GOLM2: variants seen among roughly 807,000 people sequenced by gnomAD.
The protein encoded by GOLM2 is protein GOLM2.
In GOLM2, 26 loss-of-function variants were observed where a neutral mutation model predicts 55.9. The ratio of observed to expected loss-of-function variants is 0.47; its 90% CI spans 0.34 to 0.65. The LOEUF (loss-of-function observed/expected upper bound fraction) is 0.65. Ranked by LOEUF, GOLM2 falls within the 30% of genes least tolerant of loss-of-function variation. The pLI is 0.01. For synonymous variants in GOLM2, 165 were observed against 194.6 expected, an observed-to-expected ratio of 0.85 and a Z score of 1.27; for missense variants, 486 against 531.8, an observed-to-expected ratio of 0.91 and a Z score of 0.85.
intron 8 of GOLM2, among the ~76,000 whole-genome samples, chr15:44,386,022 C>T (rs935057919): frequency 1.3e-5 from 2 of 152,158 alleles, no homozygotes; most frequent in African/African-American, 4.8e-5. Flanking sequence ...CTTTCATGCA[C>T]GAAAGTTTTT....
At position 44,315,195 on chromosome 15, in the gene GOLM2, G is replaced by T. The variant is rs527550348; in HGVS notation, c.328-7770G>T. Among the ~76,000 whole-genome samples the T allele has an allele frequency of 2.0e-4, 30 of 152,256 alleles. No homozygotes were observed. The South Asian group carries it at 6.2e-3, about 32-fold the overall frequency. On this transcript the variant is annotated intron_variant, in intron 1 of 9. Coordinates refer to ENST00000299957, the MANE Select transcript of GOLM2 (RefSeq NM_138423.4). ...CAGGTTTGGCAGTTATGTTACAGAA[G>T]ATAGACTTGTCTCTAGAAATCATCT...
chr15:44,344,019 A>G (rs1160809741), intron 6 of GOLM2, among the ~76,000 whole-genome samples: 1 of 150,032 alleles, frequency 6.7e-6, no homozygotes, highest in East Asian at 2.0e-4. Flanking sequence ...TTACAGCTGG[A>G]TAGGCTGAGG....
At chr15:44,329,654 T>G (rs1167013993) in intron 3 of GOLM2, among the ~76,000 whole-genome samples, 1 of 152,100 alleles carries the variant, frequency 6.6e-6, no homozygotes, top group Non-Finnish European at 1.5e-5. Context: ...TCCTAACACT[T>G]TGGGAGGCTG....
At chr15:44,404,241 A>T (rs1386244159) in intron 9 of GOLM2, among the ~76,000 whole-genome samples, 1 of 152,154 alleles carries the variant, frequency 6.6e-6, no homozygotes, top group East Asian at 1.9e-4. Flanking sequence ...AAGTAATTAA[A>T]TTTTTATTTA....
Position 44,367,549 on chromosome 15 carries a change from A to C in GOLM2, c.803-12141A>C, listed in dbSNP as rs2079294080. On this transcript the variant is annotated intron_variant, in intron 6 of 9. Transcript: ENST00000299957. ...AGTGGCTCATGCCTGTAATCCCAGC[A>C]CTTTGGGAGGCTGAGGTGGGTGGAT... Among the ~76,000 whole-genome samples the C allele has an allele frequency of 2.0e-5, 3 of 152,174 alleles. No homozygotes were observed. The South Asian group carries it at 6.2e-4, about 32-fold the overall frequency.
chr15:44,390,805 G>A (rs1479914453), intron 8 of GOLM2, among the ~76,000 whole-genome samples: 3 of 152,090 alleles, frequency 2.0e-5, no homozygotes, highest in Admixed American at 2.0e-4. Context: ...CTAACCTCAG[G>A]TGATCCGCCC....
chr15:44,380,587 T>A (rs548662568), intron 7 of GOLM2, among the ~76,000 whole-genome samples: 1 of 151,872 alleles, frequency 6.6e-6, no homozygotes, highest in South Asian at 2.1e-4. Context: ...GATACTCACC[T>A]GGGAATGATC....
At chr15:44,389,640 AG>A (rs2079474136) in intron 8 of GOLM2, among the ~76,000 whole-genome samples, 1 of 152,166 alleles carries the variant, frequency 6.6e-6, no homozygotes, top group Non-Finnish European at 1.5e-5. Flanking sequence ...TTAGAAAAGG[AG>A]GGGAAGTCCT....
At chr15:44,306,445 G>A (rs1419734127) in intron 1 of GOLM2, among the ~76,000 whole-genome samples, 2 of 152,072 alleles carry the variant, frequency 1.3e-5, no homozygotes, top group Non-Finnish European at 2.9e-5. Context: ...GGAATATTGT[G>A]GTTAGTTTGA....
intron 1 of GOLM2, among the ~76,000 whole-genome samples, chr15:44,321,555 G>A (rs2078949744): frequency 6.6e-6 from 1 of 151,794 alleles, no homozygotes; most frequent in East Asian, 1.9e-4. Context: ...GATTGTGATG[G>A]TAGTTATACA....
intron 9 of GOLM2, among the ~76,000 whole-genome samples, chr15:44,410,922 A>AT (rs1226155591): frequency 2.7e-5 from 4 of 150,350 alleles, no homozygotes; most frequent in Non-Finnish European, 5.9e-5. Context: ...AAAAAAAAAA[A>AT]AGGTGCAAAA....
chr15:44,302,970 G>A (rs994263210), intron 1 of GOLM2, among the ~76,000 whole-genome samples: 4 of 152,094 alleles, frequency 2.6e-5, no homozygotes, highest in Non-Finnish European at 5.9e-5. Context: ...GGGCGTAGTG[G>A]CGGACGCCTG....
chr15:44,407,276 A>T (rs932634446), intron 9 of GOLM2, among the ~76,000 whole-genome samples: 20 of 146,910 alleles, frequency 1.4e-4, no homozygotes, highest in Admixed American at 6.2e-4. Context: ...ATATATATAT[A>T]TTTTTTGGAG....
chr15:44,346,618 CTG>C (rs1567031506), intron 6 of GOLM2, among the ~76,000 whole-genome samples: 2 of 152,302 alleles, frequency 1.3e-5, no homozygotes, highest in East Asian at 3.9e-4. Context: ...CTAAAGGCAA[CTG>C]TGTTGGACAG....
intron 6 of GOLM2, among the ~76,000 whole-genome samples, chr15:44,377,164 G>A (rs1029024491): frequency 3.3e-5 from 5 of 152,098 alleles, no homozygotes; most frequent in African/African-American, 1.2e-4. Flanking sequence ...CTTGAGGCCA[G>A]GAGTTTGAGA....
intron 1 of GOLM2, among the ~76,000 whole-genome samples, chr15:44,311,548 C>T (rs764666097): frequency 6.6e-5 from 10 of 151,908 alleles, no homozygotes; most frequent in South Asian, 2.1e-4. Context: ...GACAGTCCTT[C>T]GAAGGGCCTG....
At chr15:44,351,576 C>CAAAAAAAAAAAAAAAAAA (rs1175016633) in intron 6 of GOLM2, among the ~76,000 whole-genome samples, 1 of 45,896 alleles carries the variant, frequency 2.2e-5, no homozygotes, top group Admixed American at 2.6e-4. Flanking sequence ...GACTCTGTCT[C>CAAAAAAAAAAAAAAAAAA]AAAAAAAAAA....
intron 6 of GOLM2, among the ~76,000 whole-genome samples, chr15:44,366,841 C>T (rs2141180114): frequency 6.6e-6 from 1 of 151,704 alleles, no homozygotes; most frequent in South Asian, 2.1e-4. Context: ...CCATTCTGGG[C>T]AACAGAACAA....
intron 1 of GOLM2, chr15:44,307,378 A>G (rs1338274057): frequency 6.6e-6 from 1 of 152,078 alleles, no homozygotes; most frequent in Non-Finnish European, 1.5e-5. Flanking sequence ...ACGCCTGGCT[A>G]ATTTTCTGTA....
Sources: allele counts gnomAD v4.1 joint callset (sites outside exome capture counted in the v4.1 genomes callset), GRCh38; gene constraint gnomAD v4.1.1; transcripts MANE v1.5; gene names NCBI Gene and HGNC (gene_info 2026-07-23, HGNC 2026-07-21).